Variants in PRRG1 observed in about 807,000 individuals in gnomAD.
PRRG1 encodes transmembrane gamma-carboxyglutamic acid protein 1.
In PRRG1, 5 loss-of-function variants were observed where a neutral mutation model predicts 11.8. That is an observed-to-expected ratio of 0.42 (90% CI 0.22 to 0.89). The LOEUF (loss-of-function observed/expected upper bound fraction) is 0.89. Among genes scored for constraint, PRRG1 ranks in the 40% least tolerant of loss-of-function variants. PRRG1 has a pLI of 0.28. For missense variants in PRRG1, 155 were observed against 166.1 expected, an observed-to-expected ratio of 0.93 and a Z score of 0.37; for synonymous variants, 66 against 60.4, an observed-to-expected ratio of 1.09 and a Z score of -0.43.
intron 1 of PRRG1, among the ~76,000 whole-genome samples, chrX:37,367,040 C>T (rs1415920738): frequency 1.8e-5 from 2 of 111,395 alleles, no homozygotes; most frequent in African/African-American, 3.3e-5. Flanking sequence ...GCCTCCTGCT[C>T]GTCAATCCTG....
chrX:37,370,860 A>G (rs1383576123), intron 1 of PRRG1, among the ~76,000 whole-genome samples: 1 of 111,769 alleles, frequency 8.9e-6, no homozygotes, highest in Non-Finnish European at 1.9e-5. Flanking sequence ...GCACTGTTGC[A>G]ACTGGCCAGG....
rs1386483875 is a variant in PRRG1 at position 37,372,472 on chromosome X, T to G, written c.-42+23077T>G. Among the ~76,000 whole-genome samples the G allele has an allele frequency of 3.6e-5, 4 of 111,208 alleles. No individual in the cohort carries two copies. In the East Asian group the frequency reaches 1.1e-3, roughly 31 times the overall value. ...GTGCCCACCACCATGCCCAGCTAAT[T>G]TTTTTGTATTTTCAATAGAGACAGG... On this transcript the variant is annotated intron_variant, in intron 1 of 3. Coordinates refer to ENST00000378628, the MANE Select transcript of PRRG1 (RefSeq NM_001142395.2).
chrX:37,446,341 T>C (rs782565960), intron 3 of PRRG1, among the ~76,000 whole-genome samples: 1 of 111,732 alleles, frequency 8.9e-6, no homozygotes, highest in African/African-American at 3.2e-5. Flanking sequence ...TCTACACAGG[T>C]TCCTAAACTT....
At chrX:37,404,786 GTTCCT>G (rs1447546909) in intron 1 of PRRG1, among the ~76,000 whole-genome samples, 3 of 111,884 alleles carry the variant, frequency 2.7e-5, no homozygotes, top group Non-Finnish European at 5.6e-5. Context: ...GATTTCTAAA[GTTCCT>G]TTCAACTCCA....
At chrX:37,391,860 G>A (rs1423521684) in intron 1 of PRRG1, among the ~76,000 whole-genome samples, 12 of 111,675 alleles carry the variant, frequency 1.1e-4, no homozygotes, top group Non-Finnish European at 1.9e-4. Flanking sequence ...ATTTTATTGT[G>A]CACTAGAAAT....
intron 3 of PRRG1, 120 bp from the exon 4 acceptor site, chrX:37,453,016 C>T (rs1419227677): frequency 5.0e-6 from 4 of 802,719 alleles, no homozygotes; most frequent in Non-Finnish European, 6.9e-6. Flanking sequence ...TCCTTTGATT[C>T]AGCAAATTTG....
chrX:37,401,102 G>C (rs1733331537), intron 1 of PRRG1, among the ~76,000 whole-genome samples: 1 of 110,494 alleles, frequency 9.1e-6, no homozygotes, highest in Admixed American at 9.5e-5. Context: ...CCAATCAATA[G>C]AAAAAGAGGG....
chrX:37,440,117 C>A (rs2146626659), intron 3 of PRRG1, among the ~76,000 whole-genome samples: 1 of 111,607 alleles, frequency 9.0e-6, no homozygotes, highest in African/African-American at 3.3e-5. Flanking sequence ...ATTAAAAATT[C>A]TTTAGAACAA....
Position 37,349,386 on chromosome X carries a change from G to C in PRRG1, c.-51G>C, listed in dbSNP as rs1929976448. 8.9e-6 allele frequency: 1 copy of C among 112,791 alleles called. No homozygotes were observed. The highest frequency in any genetic ancestry group is 1.9e-5 in the Non-Finnish European group (1 of 53,211). The allele number at this position is 112,791 out of a possible 1,213,427, so 9.3% of individuals were successfully genotyped here. A position where few individuals can be genotyped will look rare whatever the true frequency, so the allele number is the denominator to read the frequency against. ...CTCGCAGAACGGCGAGTAGCGGAGC[G>C]GGACCCGCTGTGAGTGTGGCGGCCG... On this transcript the variant is annotated 5_prime_UTR_variant, in exon 1 of 4. Transcript: ENST00000378628.
At chrX:37,372,021 G>T (rs919800384) in intron 1 of PRRG1, among the ~76,000 whole-genome samples, 2 of 113,044 alleles carry the variant, frequency 1.8e-5, no homozygotes, top group South Asian at 7.2e-4. Flanking sequence ...TCATATGGTA[G>T]TACTTTTTAA....
intron 1 of PRRG1, among the ~76,000 whole-genome samples, chrX:37,383,189 TACAA>T (rs1556374216): frequency 8.9e-6 from 1 of 112,141 alleles, no homozygotes; most frequent in African/African-American, 3.2e-5. Flanking sequence ...AATTTTATAT[TACAA>T]ACAAACCCAC....
chrX:37,403,834 G>T (rs1310725949), intron 1 of PRRG1: 1 of 614,322 alleles, frequency 1.6e-6, no homozygotes, highest in Non-Finnish European at 1.9e-6. Flanking sequence ...TAGGCCTTGA[G>T]CCTTTTATCT....
At chrX:37,427,749 G>A (rs986911099) in intron 3 of PRRG1, among the ~76,000 whole-genome samples, 8 of 111,488 alleles carry the variant, frequency 7.2e-5, no homozygotes, top group African/African-American at 1.6e-4. Context: ...TTAATATAAC[G>A]TCCTCCAGGT....
At chrX:37,404,915 A>G (rs1932139657) in intron 1 of PRRG1, among the ~76,000 whole-genome samples, 1 of 111,884 alleles carries the variant, frequency 8.9e-6, no homozygotes, top group Non-Finnish European at 1.9e-5. Context: ...TTTAGCAGTT[A>G]TCTTGTCCAG....
intron 1 of PRRG1, among the ~76,000 whole-genome samples, chrX:37,373,877 C>G (rs1240941770): frequency 9.0e-6 from 1 of 111,653 alleles, no homozygotes; most frequent in Non-Finnish European, 1.9e-5. Context: ...AAGCTTTCAA[C>G]TTTTCATCAC....
intron 1 of PRRG1, among the ~76,000 whole-genome samples, chrX:37,363,107 C>G (rs781923480): frequency 9.0e-6 from 1 of 111,098 alleles, no homozygotes; most frequent in African/African-American, 3.3e-5. Context: ...TTTTTATTAC[C>G]CTGTAAGATA....
chrX:37,390,856 C>T (rs1465308442), intron 1 of PRRG1, among the ~76,000 whole-genome samples: 1 of 112,154 alleles, frequency 8.9e-6, no homozygotes, highest in Non-Finnish European at 1.9e-5. Flanking sequence ...TGGCAACTGG[C>T]TAAAGCCTCA....
chrX:37,412,452 G>A (rs1213012024), intron 2 of PRRG1, among the ~76,000 whole-genome samples: 1 of 99,774 alleles, frequency 1.0e-5, no homozygotes, highest in Non-Finnish European at 2.0e-5. Context: ...ATAATGAAGT[G>A]CCTAATTTTA....
intron 1 of PRRG1, among the ~76,000 whole-genome samples, chrX:37,387,907 A>G (rs1215568661): frequency 8.9e-6 from 1 of 112,297 alleles, no homozygotes; most frequent in Non-Finnish European, 1.9e-5. Flanking sequence ...CTGTAAAATA[A>G]AAAACAACTT....
Sources: gnomAD v4.1 joint callset for allele counts (sites outside exome capture counted in the v4.1 genomes callset) on GRCh38, gnomAD v4.1.1 for gene constraint, MANE v1.5 for transcripts, NCBI Gene and HGNC (gene_info 2026-07-23, HGNC 2026-07-21) for gene names.